Variants in ACER3 observed in about 807,000 individuals in gnomAD.
ACER3 encodes alkaline ceramidase 3.
A neutral mutation model predicts 48.9 loss-of-function variants in ACER3; 16 were observed. The observed-to-expected ratio is 0.33, with a 90% CI of 0.22 to 0.50. The LOEUF (loss-of-function observed/expected upper bound fraction) is 0.50, where lower values mean the gene tolerates loss of function less well. Ranked by LOEUF, ACER3 falls within the 20% of genes least tolerant of loss-of-function variation. The pLI is 0.98. For synonymous variants in ACER3, 109 were observed against 107.8 expected, an observed-to-expected ratio of 1.01 and a Z score of -0.07; for missense variants, 227 against 326.0, an observed-to-expected ratio of 0.70 and a Z score of 2.34.
chr11:76,969,587 C>T (rs992647048), intron 3 of ACER3, among the ~76,000 whole-genome samples: 8 of 151,844 alleles, frequency 5.3e-5, no homozygotes, highest in African/African-American at 1.9e-4. Context: ...AAATATGGCA[C>T]ATACACACCA....
intron 1 of ACER3, among the ~76,000 whole-genome samples, chr11:76,874,762 T>A (rs945725209): frequency 6.6e-6 from 1 of 152,218 alleles, no homozygotes; most frequent in African/African-American, 2.4e-5. Flanking sequence ...AAGCTTTATT[T>A]TGGGAGGTCT....
intron 1 of ACER3, among the ~76,000 whole-genome samples, chr11:76,926,126 T>A (rs1946823717): frequency 1.3e-5 from 2 of 152,214 alleles, no homozygotes. Context: ...AAATGTAAAC[T>A]GCAATTTGTT....
In ACER3 at chr11:76,959,085, C is replaced by T. The variant is rs548977140; in HGVS notation, c.267+54C>T. ...TATTTCTCTTAATTCAGAAGTACTT[C>T]AGATTTGAGAAAAGAGCACATAACT... On this transcript the variant is annotated intron_variant, in intron 3 of 10. Transcript: ENST00000532485. The T allele has an allele frequency of 1.5e-4, 235 of 1,611,906 alleles. 1 individual carries two copies. The African/African-American group carries it at 2.7e-3, about 18-fold the overall frequency.
At chr11:76,967,654 C>T (rs11501930) in intron 3 of ACER3, among the ~76,000 whole-genome samples, 3,241 of 152,204 alleles carry the variant, frequency 0.021, 117 homozygotes, top group African/African-American at 0.074. Flanking sequence ...AATCAATAAA[C>T]GTAATCCAGC....
chr11:76,870,844 A>G (rs947526065), intron 1 of ACER3, among the ~76,000 whole-genome samples: 3 of 152,250 alleles, frequency 2.0e-5, no homozygotes, highest in Non-Finnish European at 2.9e-5. Context: ...ACAAAACAGC[A>G]TAATATTTTC....
Position 77,022,522 on chromosome 11 carries a change from T to C in ACER3, c.*2195T>C, listed in dbSNP as rs376640682. 6.6e-6 allele frequency: 1 copy of C among 152,220 alleles called. No homozygotes were observed. Among genetic ancestry groups the C allele is most frequent in the South Asian group, 2.1e-4 (1 of 4,830 alleles). 9.4% of individuals were successfully genotyped at this position (152,220 alleles called of 1,614,324 possible). On this transcript the variant is annotated 3_prime_UTR_variant, in exon 11 of 11. Coordinates refer to ENST00000532485, the MANE Select transcript of ACER3 (RefSeq NM_018367.7). Reference sequence around the variant, plus strand: ...CACACAAGGCTCTCTTTTTAGCTACTAAGTAACATACTCAAGACTTTGTAT... The same window carrying C: ...CACACAAGGCTCTCTTTTTAGCTACCAAGTAACATACTCAAGACTTTGTAT...
At chr11:76,886,176 C>T (rs1253658094) in intron 1 of ACER3, among the ~76,000 whole-genome samples, 1 of 152,076 alleles carries the variant, frequency 6.6e-6, no homozygotes, top group Non-Finnish European at 1.5e-5. Flanking sequence ...AATGAGATGG[C>T]GCATGTGGTA....
At chr11:77,011,639 GT>G in intron 7 of ACER3, among the ~76,000 whole-genome samples, 1 of 152,104 alleles carries the variant, frequency 6.6e-6, no homozygotes, top group Admixed American at 6.5e-5. Context: ...ACATTGCCAG[GT>G]TTGTGCTTTC....
Position 76,962,986 on chromosome 11 carries a change from C to T in ACER3, c.267+3955C>T, listed in dbSNP as rs569976768. ...CTGCCTGCCTGAAAAATCACAGCTACAGGCAAGATAGAGCAGCTTGGAGAA... is the reference window on the plus strand; with the variant it reads ...CTGCCTGCCTGAAAAATCACAGCTATAGGCAAGATAGAGCAGCTTGGAGAA... On this transcript the variant is annotated intron_variant, in intron 3 of 10. Transcript: ENST00000532485. 1.1e-3 allele frequency among the ~76,000 whole-genome samples: 169 copies of T among 151,552 alleles called. 12 individuals carry two copies. The highest frequency in any genetic ancestry group is 4.1e-3 in the African/African-American group (166 of 40,818).
intron 1 of ACER3, among the ~76,000 whole-genome samples, chr11:76,920,680 AGGCTGCAGTGCAGTGGTGTGATCATGGC>A (rs1946664061): frequency 6.8e-6 from 1 of 147,460 alleles, no homozygotes; most frequent in African/African-American, 2.5e-5. Context: ...TCTGTCACCC[AGGCTGCAGTGCAGTGGTGTGATCATGGC>A]TCACTGCAGC....
chr11:76,959,239 C>A, intron 3 of ACER3: 2 of 1,420,542 alleles, frequency 1.4e-6, no homozygotes, highest in South Asian at 1.4e-5. Context: ...TAGTATAGGG[C>A]TTTTTGACCA....
intron 1 of ACER3, among the ~76,000 whole-genome samples, chr11:76,899,571 CT>C (rs1407492520): frequency 2.6e-5 from 4 of 152,070 alleles, no homozygotes; most frequent in Non-Finnish European, 4.4e-5. Flanking sequence ...CTATTTTGTC[CT>C]TTTGTATCCT....
intron 1 of ACER3, among the ~76,000 whole-genome samples, chr11:76,891,945 C>G (rs1471034306): frequency 6.6e-6 from 1 of 152,198 alleles, no homozygotes; most frequent in Non-Finnish European, 1.5e-5. Flanking sequence ...TAGACTAACA[C>G]TCATGATTGT....
chr11:76,879,749 C>T (rs191114966), intron 1 of ACER3, among the ~76,000 whole-genome samples: 20 of 152,176 alleles, frequency 1.3e-4, no homozygotes, highest in East Asian at 1.2e-3. Flanking sequence ...AACTTTGTTT[C>T]GCTGGCCCAC....
At chr11:77,011,723 AT>A (rs1233624465) in intron 7 of ACER3, among the ~76,000 whole-genome samples, 3 of 152,164 alleles carry the variant, frequency 2.0e-5, no homozygotes, top group South Asian at 4.1e-4. Flanking sequence ...AAAAAAAAAA[AT>A]TGAAAAATTT....
chr11:76,929,068 C>T (rs1279477065), intron 2 of ACER3, among the ~76,000 whole-genome samples: 14 of 152,228 alleles, frequency 9.2e-5, no homozygotes, highest in Middle Eastern at 3.4e-3. Flanking sequence ...GCCATTTTCA[C>T]GATATTGATT....
intron 1 of ACER3, among the ~76,000 whole-genome samples, chr11:76,888,511 G>A (rs971628760): frequency 2.0e-5 from 3 of 152,286 alleles, no homozygotes; most frequent in East Asian, 1.9e-4. Flanking sequence ...TGCAATCAAG[G>A]TGTTAGCTGG....
chr11:76,909,330 C>T (rs1946311078), intron 1 of ACER3, among the ~76,000 whole-genome samples: 1 of 152,072 alleles, frequency 6.6e-6, no homozygotes, highest in African/African-American at 2.4e-5. Flanking sequence ...TCAGAGTGAA[C>T]AGGCAATCTT....
rs554113891 is a variant in ACER3 at position 76,942,180 on chromosome 11, T to C, written c.214+15513T>C. Among the ~76,000 whole-genome samples, 15 of 152,196 alleles carry C rather than the reference T, an allele frequency of 9.9e-5. No homozygotes were observed. In the South Asian group the frequency reaches 2.7e-3, roughly 27 times the overall value. On this transcript the variant is annotated intron_variant, in intron 2 of 10. Transcript: ENST00000532485. ...TTATTTTTTTCTTTTGCCTGATTGC[T>C]CTGGCTAGAACTTCCACAGTATATT...
Sources: gnomAD v4.1 joint callset for allele counts (sites outside exome capture counted in the v4.1 genomes callset) on GRCh38, gnomAD v4.1.1 for gene constraint, MANE v1.5 for transcripts, NCBI Gene and HGNC (gene_info 2026-07-23, HGNC 2026-07-21) for gene names.